CDH6: variants seen among roughly 807,000 people sequenced by gnomAD.
CDH6 encodes cadherin-6.
In CDH6, 31 loss-of-function variants were observed where a neutral mutation model predicts 78.0. The observed-to-expected ratio is 0.40, with a 90% CI of 0.30 to 0.54. The LOEUF is 0.54. Among genes scored for constraint, CDH6 ranks in the 20% least tolerant of loss-of-function variants. The pLI, the probability that CDH6 is intolerant of heterozygous loss-of-function variation, is 0.56. For synonymous variants in CDH6, 376 were observed against 368.8 expected, an observed-to-expected ratio of 1.02 and a Z score of -0.23; for missense variants, 724 against 975.9, an observed-to-expected ratio of 0.74 and a Z score of 3.44.
chr5:31,258,188 A>G (rs1742107436), intron 1 of CDH6, among the ~76,000 whole-genome samples: 1 of 152,216 alleles, frequency 6.6e-6, no homozygotes, highest in African/African-American at 2.4e-5. Flanking sequence ...ACATGCACAC[A>G]TATGTTTACT....
intron 1 of CDH6, among the ~76,000 whole-genome samples, chr5:31,245,297 G>A (rs1014274491): frequency 2.6e-5 from 4 of 152,154 alleles, no homozygotes; most frequent in African/African-American, 7.2e-5. Flanking sequence ...AACAGGCAGC[G>A]GGAGATCACT....
intron 1 of CDH6, 115 bp from the exon 2 acceptor site, chr5:31,267,231 C>CT: frequency 8.2e-6 from 4 of 485,334 alleles, no homozygotes; most frequent in East Asian, 3.1e-5. Context: ...TGATAGCCAA[C>CT]TTTTTTTGTT....
chr5:31,297,565 A>C (rs2909573), intron 4 of CDH6, among the ~76,000 whole-genome samples, 157 bp downstream of exon 4: 141,151 of 152,232 alleles, frequency 0.93, 66,173 homozygotes, highest in East Asian at 1. Context: ...ACATCTGAAT[A>C]ATTTTAATCA....
intron 1 of CDH6, among the ~76,000 whole-genome samples, chr5:31,213,524 G>A (rs933249488): frequency 2.6e-5 from 4 of 152,122 alleles, no homozygotes; most frequent in African/African-American, 9.7e-5. Context: ...GAAAGAAACA[G>A]ACCAATCTGT....
At chr5:31,222,941 G>A (rs1460164974) in intron 1 of CDH6, among the ~76,000 whole-genome samples, 3 of 151,784 alleles carry the variant, frequency 2.0e-5, no homozygotes, top group Admixed American at 6.6e-5. Flanking sequence ...TTTTTGAGAC[G>A]GTGAACTCAT....
intron 1 of CDH6, among the ~76,000 whole-genome samples, chr5:31,243,827 A>G (rs1226190831): frequency 3.9e-5 from 6 of 152,206 alleles, no homozygotes; most frequent in Non-Finnish European, 8.8e-5. Context: ...TCTGCTCAAC[A>G]TCATCAAAGA....
intron 1 of CDH6, chr5:31,249,160 G>A (rs1168954815): frequency 6.6e-6 from 1 of 151,862 alleles, no homozygotes; most frequent in African/African-American, 2.4e-5. Flanking sequence ...AAATAAATTT[G>A]GGGAAAAAAA....
chr5:31,313,993 T>G (rs1302807439), intron 8 of CDH6, among the ~76,000 whole-genome samples: 2 of 152,074 alleles, frequency 1.3e-5, no homozygotes, highest in East Asian at 3.9e-4. Flanking sequence ...ATCAGTAAAA[T>G]GATTAGAATG....
intron 2 of CDH6, among the ~76,000 whole-genome samples, chr5:31,269,581 AAAG>A (rs1464650256): frequency 7.1e-6 from 1 of 141,148 alleles, no homozygotes; most frequent in Non-Finnish European, 1.6e-5. Context: ...GTAGGTGCAT[AAAG>A]AAGTTACTAT....
intron 1 of CDH6, among the ~76,000 whole-genome samples, chr5:31,233,789 C>T (rs903393283): frequency 6.6e-6 from 1 of 152,122 alleles, no homozygotes; most frequent in East Asian, 1.9e-4. Flanking sequence ...AAACACCCAC[C>T]GCCTCACTCT....
Position 31,317,856 on chromosome 5 carries a change from TCATCCACCCCACGGGAC to T in CDH6, c.1815_1831del (p.Ile606GlufsTer44). ...ATGCAATCCTGCCATGCGGAGGCGC[TCATCCACCCCACGGGAC>T]TGAGCACGGGGGCTCTGGTTGCCAT... On this transcript the variant is annotated frameshift_variant, in exon 11 of 12. Transcript: ENST00000265071. LOFTEE classifies it high-confidence loss of function. 1 of 1,614,088 alleles carries T rather than the reference TCATCCACCCCACGGGAC, an allele frequency of 6.2e-7. No individual in the cohort carries two copies. The highest frequency in any genetic ancestry group is 8.5e-7 in the Non-Finnish European group (1 of 1,179,998).
chr5:31,261,809 T>C (rs1168891566), intron 1 of CDH6, among the ~76,000 whole-genome samples: 5 of 152,184 alleles, frequency 3.3e-5, no homozygotes, highest in African/African-American at 4.8e-5. Flanking sequence ...TGTCTTATAT[T>C]TACTTAGTCT....
chr5:31,242,509 G>C (rs1741631348), intron 1 of CDH6, among the ~76,000 whole-genome samples: 1 of 152,170 alleles, frequency 6.6e-6, no homozygotes, highest in Non-Finnish European at 1.5e-5. Flanking sequence ...TTGTTGTTCA[G>C]AAGCAGTGTT....
intron 9 of CDH6, among the ~76,000 whole-genome samples, chr5:31,316,940 T>TG (rs1738342105): frequency 6.6e-6 from 1 of 152,230 alleles, no homozygotes; most frequent in Non-Finnish European, 1.5e-5. Flanking sequence ...CTAGACAGAC[T>TG]GTCCAAAGAG....
chr5:31,201,642 C>T (rs1740351627), intron 1 of CDH6, among the ~76,000 whole-genome samples: 4 of 152,236 alleles, frequency 2.6e-5, no homozygotes, highest in Admixed American at 2.0e-4. Context: ...ATCCTCTCCC[C>T]TTTAAAAAAT....
chr5:31,314,383 T>C (rs975910438), intron 8 of CDH6, among the ~76,000 whole-genome samples: 1 of 146,766 alleles, frequency 6.8e-6, no homozygotes, highest in African/African-American at 2.5e-5. Context: ...CACTTTTTAG[T>C]GTTTGTGTTT....
chr5:31,327,386 C>A lies in CDH6; in HGVS notation c.*4078C>A. On this transcript the variant is annotated 3_prime_UTR_variant, in exon 12 of 12. Coordinates refer to ENST00000265071, the MANE Select transcript of CDH6 (RefSeq NM_004932.4). The stretch of plus-strand genomic sequence containing the variant: ...GCAGTGTAATTACTCTGGAAGAAGG[C>A]TCTAAAAAGTCATGATTCCCCCACT... The A allele has an allele frequency of 5.2e-6, 1 of 192,298 alleles. No individual in the cohort carries two copies. The highest frequency in any genetic ancestry group is 1.1e-5 in the Non-Finnish European group (1 of 92,020). 11.9% of individuals were successfully genotyped at this position (192,298 alleles called of 1,614,324 possible).
At chr5:31,249,643 A>G (rs1741855883) in intron 1 of CDH6, 1 of 152,258 alleles carries the variant, frequency 6.6e-6, no homozygotes, top group Non-Finnish European at 1.5e-5. Flanking sequence ...AAAACCACCT[A>G]GCAGCATCTG....
intron 1 of CDH6, among the ~76,000 whole-genome samples, chr5:31,263,407 C>A (rs916688269): frequency 6.6e-6 from 1 of 151,132 alleles, no homozygotes; most frequent in Non-Finnish European, 1.5e-5. Context: ...CAGGCACCTG[C>A]CACCATGCCC....
Sources: gnomAD v4.1 joint callset for allele counts (sites outside exome capture counted in the v4.1 genomes callset) on GRCh38, gnomAD v4.1.1 for gene constraint, MANE v1.5 for transcripts, NCBI Gene and HGNC (gene_info 2026-07-23, HGNC 2026-07-21) for gene names.